The following FHIT variants were observed in gnomAD, a reference collection of about 807,000 sequenced individuals.
FHIT encodes fragile histidine triad diadenosine triphosphatase.
A neutral mutation model predicts 17.9 loss-of-function variants in FHIT; 19 were observed. That is an observed-to-expected ratio of 1.06 (90% CI 0.74 to 1.56). FHIT has a LOEUF of 1.56. Among genes scored for constraint, FHIT ranks in the 40% most tolerant of loss-of-function variants. FHIT has a pLI of 0.00. For synonymous variants in FHIT, 81 were observed against 69.7 expected, an observed-to-expected ratio of 1.16 and a Z score of -0.81; for missense variants, 248 against 189.2, an observed-to-expected ratio of 1.31 and a Z score of -1.82.
intron 5 of FHIT, among the ~76,000 whole-genome samples, chr3:60,105,563 T>G (rs1009875752): frequency 6.6e-6 from 1 of 152,184 alleles, no homozygotes; most frequent in Non-Finnish European, 1.5e-5. Flanking sequence ...ATAAGAATAT[T>G]GCAACACCAA....
intron 8 of FHIT, among the ~76,000 whole-genome samples, chr3:59,772,506 A>G (rs1281439134): frequency 6.6e-6 from 1 of 152,172 alleles, no homozygotes. Context: ...TACTATCCCC[A>G]TTTCAGACAT....
At chr3:59,840,213 C>G (rs1701480711) in intron 8 of FHIT, among the ~76,000 whole-genome samples, 1 of 152,134 alleles carries the variant, frequency 6.6e-6, no homozygotes, top group African/African-American at 2.4e-5. Context: ...CCCATCATTC[C>G]CATTCAGAGA....
chr3:59,996,248 G>A (rs1447992176), intron 7 of FHIT, among the ~76,000 whole-genome samples: 1 of 152,078 alleles, frequency 6.6e-6, no homozygotes, highest in Non-Finnish European at 1.5e-5. Context: ...ACAGTGGACA[G>A]CATCAGATTT....
intron 4 of FHIT, among the ~76,000 whole-genome samples, chr3:60,631,977 C>T (rs782367918): frequency 1.3e-5 from 2 of 152,038 alleles, no homozygotes; most frequent in Admixed American, 6.6e-5. Context: ...TAGAGATGGA[C>T]GCAAGAAACA....
intron 3 of FHIT, among the ~76,000 whole-genome samples, chr3:60,826,543 C>T (rs1412502602): frequency 1.3e-5 from 2 of 152,054 alleles, no homozygotes; most frequent in Non-Finnish European, 2.9e-5. Flanking sequence ...TCAGGCTGGT[C>T]GAGGTTAGTT....
chr3:61,242,943 G>T (rs553016933), intron 1 of FHIT, among the ~76,000 whole-genome samples: 19 of 152,292 alleles, frequency 1.2e-4, no homozygotes, highest in Non-Finnish European at 4.4e-5. Context: ...GGGAGGTTTA[G>T]AATCTTGTGG....
intron 4 of FHIT, among the ~76,000 whole-genome samples, chr3:60,600,781 C>T (rs1418574426): frequency 6.6e-6 from 1 of 152,154 alleles, no homozygotes; most frequent in African/African-American, 2.4e-5. Flanking sequence ...TATAGAAGCT[C>T]CTACATGTCC....
chr3:60,896,460 T>G (rs573807500), intron 3 of FHIT, among the ~76,000 whole-genome samples: 44 of 152,316 alleles, frequency 2.9e-4, no homozygotes, highest in Middle Eastern at 3.4e-3. Context: ...AATCCACAGT[T>G]GTACTGCCCT....
intron 5 of FHIT, among the ~76,000 whole-genome samples, chr3:60,470,058 T>TTCTCTCTCTCTCTCTCTC (rs796525437): frequency 0.018 from 2,598 of 142,922 alleles, 42 homozygotes; most frequent in East Asian, 0.029. Context: ...CTCTCTTTCT[T>TTCTCTCTCTCTCTCTCTC]TCTCTCTCTC....
intron 8 of FHIT, among the ~76,000 whole-genome samples, chr3:59,805,058 C>T (rs1700142962): frequency 6.6e-6 from 1 of 152,206 alleles, no homozygotes; most frequent in South Asian, 2.1e-4. Flanking sequence ...GGGTTTGTCT[C>T]TAGAGGGAGA....
intron 8 of FHIT, among the ~76,000 whole-genome samples, chr3:59,812,641 G>A (rs755707630): frequency 2.9e-4 from 44 of 152,148 alleles, no homozygotes; most frequent in Admixed American, 5.2e-4. Context: ...CAGTGGAGAC[G>A]TCCTTCCTAT....
At chr3:60,104,794 T>C (rs910215322) in intron 5 of FHIT, among the ~76,000 whole-genome samples, 12 of 151,930 alleles carry the variant, frequency 7.9e-5, no homozygotes, top group East Asian at 5.8e-4. Context: ...CAAAGTTGAG[T>C]TCAAATTTAG....
chr3:60,810,794 C>T (rs900474012), intron 4 of FHIT, among the ~76,000 whole-genome samples: 1 of 152,170 alleles, frequency 6.6e-6, no homozygotes, highest in Non-Finnish European at 1.5e-5. Flanking sequence ...GCCATGAATC[C>T]ACTGGTGATT....
chr3:60,927,059 G>A (rs900837380), intron 3 of FHIT, among the ~76,000 whole-genome samples: 1 of 152,144 alleles, frequency 6.6e-6, no homozygotes, highest in Non-Finnish European at 1.5e-5. Context: ...TGCCGAGGCT[G>A]GACTGTACTG....
chr3:61,012,966 G>A (rs1475019386), intron 3 of FHIT, among the ~76,000 whole-genome samples: 1 of 151,904 alleles, frequency 6.6e-6, no homozygotes, highest in African/African-American at 2.4e-5. Flanking sequence ...TAAAGAATTT[G>A]TTTTTATATT....
intron 4 of FHIT, among the ~76,000 whole-genome samples, chr3:60,632,083 TG>T (rs1553682588): frequency 3.2e-5 from 2 of 62,058 alleles, no homozygotes; most frequent in East Asian, 5.6e-4. Context: ...GGGAAAGAAG[TG>T]TTTTTTTTTT....
At chr3:59,978,530 T>C (rs1467325861) in intron 7 of FHIT, among the ~76,000 whole-genome samples, 1 of 151,620 alleles carries the variant, frequency 6.6e-6, no homozygotes, top group African/African-American at 2.4e-5. Context: ...GCCAATTAAC[T>C]AGCTAGTGGC....
chr3:60,458,994 C>T (rs1413811779), intron 5 of FHIT, among the ~76,000 whole-genome samples: 1 of 151,860 alleles, frequency 6.6e-6, no homozygotes. Context: ...GCTGCTAGGG[C>T]TGGTTTCGAG....
chr3:59,866,074 T>C (rs1254808458), intron 8 of FHIT, among the ~76,000 whole-genome samples: 6 of 152,264 alleles, frequency 3.9e-5, no homozygotes, highest in Non-Finnish European at 7.4e-5. Context: ...CCTGAATAAA[T>C]GAGCACATTT....
Sources: gnomAD v4.1 joint callset for allele counts (sites outside exome capture counted in the v4.1 genomes callset) on GRCh38, gnomAD v4.1.1 for gene constraint, MANE v1.5 for transcripts, NCBI Gene and HGNC (gene_info 2026-07-23, HGNC 2026-07-21) for gene names.